Variants in NDST3 observed in about 807,000 individuals in gnomAD.
NDST3 encodes bifunctional heparan sulfate N-deacetylase/N-sulfotransferase 3.
Under a neutral mutation model 96.1 loss-of-function variants are expected in NDST3, and 58 were observed. The observed-to-expected ratio is 0.60, with a 90% confidence interval of 0.49 to 0.75. The LOEUF (loss-of-function observed/expected upper bound fraction) is 0.75, where lower values mean the gene tolerates loss of function less well. Ranked by LOEUF, NDST3 falls within the 30% of genes least tolerant of loss-of-function variation. NDST3 has a pLI of 0.00. For missense variants in NDST3, 788 were observed against 1,034.2 expected, an observed-to-expected ratio of 0.76 and a Z score of 3.27; for synonymous variants, 333 against 359.7, an observed-to-expected ratio of 0.93 and a Z score of 0.84.
intron 6 of NDST3, among the ~76,000 whole-genome samples, chr4:118,201,931 A>C (rs1738115765): frequency 6.6e-6 from 1 of 152,090 alleles, no homozygotes; most frequent in Non-Finnish European, 1.5e-5. Context: ...CCTTCATTGA[A>C]ATCTTTAATT....
intron 4 of NDST3, among the ~76,000 whole-genome samples, chr4:118,135,364 A>C (rs529107083): frequency 1.2e-4 from 19 of 152,314 alleles, no homozygotes; most frequent in Non-Finnish European, 2.6e-4. Flanking sequence ...TGTCTCTTTT[A>C]GTGGAAAATA....
At chr4:118,071,687 T>C (rs12499751) in intron 2 of NDST3, among the ~76,000 whole-genome samples, 129,726 of 152,146 alleles carry the variant, frequency 0.85, 56,882 homozygotes, top group South Asian at 0.96. Context: ...AGGTTGATTC[T>C]ATGTCTTTAC....
At chr4:118,093,068 T>C (rs1409066513) in intron 2 of NDST3, among the ~76,000 whole-genome samples, 1 of 151,696 alleles carries the variant, frequency 6.6e-6, no homozygotes, top group East Asian at 1.9e-4. Flanking sequence ...GGAATAATCT[T>C]GTGTTTCCCT....
At chr4:118,109,436 A>G (rs1378175054) in intron 3 of NDST3, among the ~76,000 whole-genome samples, 1 of 152,194 alleles carries the variant, frequency 6.6e-6, no homozygotes, top group Non-Finnish European at 1.5e-5. Flanking sequence ...ATACTGGGGA[A>G]TGATGCTAGC....
intron 1 of NDST3, among the ~76,000 whole-genome samples, chr4:118,038,095 G>A (rs1213609618): frequency 3.3e-5 from 5 of 152,122 alleles, no homozygotes; most frequent in African/African-American, 1.2e-4. Flanking sequence ...GTTCCCATGA[G>A]TCTAATGAAG....
chr4:118,105,384 G>A (rs1240573346), intron 3 of NDST3, among the ~76,000 whole-genome samples: 2 of 152,114 alleles, frequency 1.3e-5, no homozygotes, highest in African/African-American at 4.8e-5. Context: ...TTTTCAACGT[G>A]TACACAGCTG....
chr4:118,172,647 C>T (rs1736025235), intron 6 of NDST3, among the ~76,000 whole-genome samples: 1 of 151,990 alleles, frequency 6.6e-6, no homozygotes, highest in African/African-American at 2.4e-5. Flanking sequence ...TTCTGCTCTT[C>T]CATATTTTTT....
intron 2 of NDST3, among the ~76,000 whole-genome samples, chr4:118,095,727 G>A (rs559642078): frequency 2.4e-4 from 37 of 151,392 alleles, no homozygotes; most frequent in African/African-American, 6.8e-4. Flanking sequence ...TTAATCAGTT[G>A]CACCCAATTT....
chr4:118,110,490 T>A (rs903292532), intron 3 of NDST3, among the ~76,000 whole-genome samples: 3 of 152,152 alleles, frequency 2.0e-5, no homozygotes, highest in Non-Finnish European at 4.4e-5. Flanking sequence ...CTCATGAGGT[T>A]GTTTTGAGAA....
chr4:118,043,068 T>G (rs1356165277), intron 1 of NDST3, among the ~76,000 whole-genome samples: 1 of 152,242 alleles, frequency 6.6e-6, no homozygotes. Flanking sequence ...CAGTATTTAC[T>G]ACAGCACTAA....
chr4:118,170,561 C>A (rs1735873883), intron 6 of NDST3, among the ~76,000 whole-genome samples: 1 of 152,110 alleles, frequency 6.6e-6, no homozygotes, highest in South Asian at 2.1e-4. Context: ...AACCCCATCT[C>A]TACTAAAAAT....
At chr4:118,182,515 G>A (rs942428281) in intron 6 of NDST3, among the ~76,000 whole-genome samples, 1 of 152,172 alleles carries the variant, frequency 6.6e-6, no homozygotes, top group Admixed American at 6.5e-5. Flanking sequence ...GTGACAACAG[G>A]CAAATGATAC....
At chr4:118,100,169 G>C (rs1276463297) in intron 2 of NDST3, among the ~76,000 whole-genome samples, 1 of 152,000 alleles carries the variant, frequency 6.6e-6, no homozygotes, top group African/African-American at 2.4e-5. Context: ...CCAATGTAGG[G>C]GGCATCATCC....
At chr4:118,035,485 G>A (rs868417601) in intron 1 of NDST3, among the ~76,000 whole-genome samples, 1 of 148,622 alleles carries the variant, frequency 6.7e-6, no homozygotes. Flanking sequence ...CAACTACTGA[G>A]CAATGCTGTT....
At chr4:118,205,278 C>T (rs1329299185) in intron 6 of NDST3, among the ~76,000 whole-genome samples, 1 of 144,100 alleles carries the variant, frequency 6.9e-6, no homozygotes, top group East Asian at 2.0e-4. Flanking sequence ...CAAGAATATA[C>T]ACAATATTTA....
At position 118,054,706 on chromosome 4, in the gene NDST3, G is replaced by A; in HGVS notation, c.796G>A (p.Gly266Arg). The A allele has an allele frequency of 1.9e-6, 3 of 1,613,344 alleles. No homozygotes were observed. Among genetic ancestry groups the A allele is most frequent in the Non-Finnish European group, 2.5e-6 (3 of 1,179,490 alleles). ...TIIHDLGLHD[G>R]IQRVLFGNNL... ...TATACATGACCTGGGGCTTCATGAT[G>A]GAATTCAAAGGGTTCTTTTTGGCAA... Residue 266 changes from glycine to arginine, a missense_variant, in exon 2 of 14, where the codon GGA becomes AGA. Transcript: ENST00000296499.
chr4:118,125,655 A>T (rs969706727), intron 4 of NDST3, among the ~76,000 whole-genome samples: 4 of 152,068 alleles, frequency 2.6e-5, no homozygotes, highest in Non-Finnish European at 5.9e-5. Context: ...AAAACCACAA[A>T]GATTATGTCA....
At chr4:118,234,341 G>A (rs1451755463) in intron 9 of NDST3, among the ~76,000 whole-genome samples, 1 of 152,080 alleles carries the variant, frequency 6.6e-6, no homozygotes, top group Non-Finnish European at 1.5e-5. Flanking sequence ...TGAGCCCATG[G>A]AGGTTGAGGC....
intron 1 of NDST3, among the ~76,000 whole-genome samples, chr4:118,041,311 A>C (rs1183584478): frequency 6.6e-6 from 1 of 152,114 alleles, no homozygotes; most frequent in Admixed American, 6.5e-5. Flanking sequence ...GTCCAACACA[A>C]TTTCAGTACC....
Sources: gnomAD v4.1 joint callset for allele counts (sites outside exome capture counted in the v4.1 genomes callset) on GRCh38, gnomAD v4.1.1 for gene constraint, MANE v1.5 for transcripts, NCBI Gene and HGNC (gene_info 2026-07-23, HGNC 2026-07-21) for gene names.